PLA2R1: variants seen among roughly 807,000 people sequenced by gnomAD.
PLA2R1 encodes phospholipase A2 receptor 1.
PLA2R1 carries 158 observed loss-of-function variants against 195.9 expected under a neutral mutation model. The ratio of observed to expected loss-of-function variants is 0.81; its 90% CI spans 0.71 to 0.92. The LOEUF is 0.92. Among genes scored for constraint, PLA2R1 ranks in the 40% least tolerant of loss-of-function variants. The pLI is 0.00. For synonymous variants in PLA2R1, 586 were observed against 598.2 expected (o/e 0.98, Z 0.30); for missense variants, 1,626 against 1,764.6 (o/e 0.92, Z 1.41).
chr2:159,949,213 C>G (rs1687572688), intron 25 of PLA2R1, among the ~76,000 whole-genome samples: 1 of 152,086 alleles, frequency 6.6e-6, no homozygotes. Flanking sequence ...AGGCAAATCC[C>G]AACATCGGCT....
intron 11 of PLA2R1, among the ~76,000 whole-genome samples, chr2:159,998,999 T>G (rs1440294883): frequency 6.6e-6 from 1 of 152,142 alleles, no homozygotes; most frequent in African/African-American, 2.4e-5. Flanking sequence ...AGGCAGGGCC[T>G]TCTGGGAAGT....
intron 8 of PLA2R1, among the ~76,000 whole-genome samples, chr2:160,017,998 C>T (rs576791308): frequency 3.9e-5 from 6 of 152,262 alleles, no homozygotes; most frequent in Admixed American, 2.0e-4. Context: ...CCTAGGCTCT[C>T]ATATTCAAAT....
chr2:159,981,304 T>G (rs2715920), intron 13 of PLA2R1, among the ~76,000 whole-genome samples: 2 of 151,920 alleles, frequency 1.3e-5, no homozygotes, highest in Non-Finnish European at 2.9e-5. Flanking sequence ...AGCATACCTG[T>G]TATACCTGCT....
At chr2:159,945,883 G>A in intron 27 of PLA2R1, 1 of 891,988 alleles carries the variant, frequency 1.1e-6, no homozygotes. Context: ...GTTTCTTAAT[G>A]TGACAGTTTG....
intron 20 of PLA2R1, among the ~76,000 whole-genome samples, chr2:159,959,554 T>C (rs1297279202): frequency 6.6e-6 from 1 of 152,234 alleles, no homozygotes; most frequent in Non-Finnish European, 1.5e-5. Flanking sequence ...TCTCTGATTA[T>C]TACTGTGAAT....
In PLA2R1 at chr2:159,940,278, C is replaced by T. The variant is rs563076989; in HGVS notation, c.*1500G>A. The T allele has an allele frequency of 1.3e-5, 2 of 152,302 alleles. No homozygotes were observed. Among genetic ancestry groups the T allele is most frequent in the South Asian group, 4.1e-4 (2 of 4,824 alleles). 9.4% of individuals were successfully genotyped at this position (152,302 alleles called of 1,614,324 possible). The stretch of plus-strand genomic sequence containing the variant: ...CTTACTTCATTTTCATAACCACTTG[C>T]TATTTTATGCATATGCATTTCTTTA... On this transcript the variant is annotated 3_prime_UTR_variant, in exon 30 of 30. Coordinates refer to ENST00000283243, the MANE Select transcript of PLA2R1 (RefSeq NM_007366.5).
At chr2:160,039,927 G>A (rs548007142) in intron 3 of PLA2R1, among the ~76,000 whole-genome samples, 2 of 149,600 alleles carry the variant, frequency 1.3e-5, no homozygotes, top group East Asian at 3.9e-4. Context: ...TAAGGTTTCA[G>A]AACCTTAAGA....
intron 6 of PLA2R1, among the ~76,000 whole-genome samples, chr2:160,024,957 G>A (rs773906922): frequency 2.6e-5 from 4 of 152,136 alleles, no homozygotes; most frequent in Non-Finnish European, 4.4e-5. Flanking sequence ...AGATACTGCT[G>A]TGTCCCACCA....
chr2:159,979,780 G>A, intron 14 of PLA2R1, 50 bp downstream of exon 14: 1 of 1,091,606 alleles, frequency 9.2e-7, no homozygotes, highest in East Asian at 2.4e-5. Context: ...AGTGGTCCCA[G>A]GCCCACTTGT....
chr2:160,018,762 T>C (rs1490390856), intron 8 of PLA2R1, among the ~76,000 whole-genome samples: 1 of 152,228 alleles, frequency 6.6e-6, no homozygotes, highest in Non-Finnish European at 1.5e-5. Flanking sequence ...TGCCTTAGCA[T>C]GTATAATTGT....
rs896895848 is a variant in PLA2R1, at chr2:159,941,770, C to T, written c.*8G>A. The T allele has an allele frequency of 1.4e-6, 2 of 1,476,462 alleles. No homozygotes were observed. The highest frequency in any genetic ancestry group is 1.7e-5 in the Admixed American group (1 of 59,398). The allele number at this position is 1,476,462 out of a possible 1,614,324, so 91.5% of individuals were successfully genotyped here. A position where few individuals can be genotyped will look rare whatever the true frequency, so the allele number is the denominator to read the frequency against. On this transcript the variant is annotated 3_prime_UTR_variant, in exon 30 of 30. Coordinates refer to ENST00000283243, the MANE Select transcript of PLA2R1 (RefSeq NM_007366.5). The stretch of plus-strand genomic sequence containing the variant: ...CCCTGGTGTCTGTGGCATTCTCTGA[C>T]CTCATTATTATTGGTCACTCTTCTC...
rs745418468 is a variant in PLA2R1 at position 159,947,441 on chromosome 2, A to G, written c.3828T>C (p.Ala1276=). The part of the protein sequence containing the change: ...TVLDSMSFEA[A]HEFCKKEGSN... Reference sequence around the variant, plus strand: ...TACCTTCCTTTTTGCAAAATTCATGAGCAGCCTCAAAACTCATACTGTCTA... The same window carrying G: ...TACCTTCCTTTTTGCAAAATTCATGGGCAGCCTCAAAACTCATACTGTCTA... Residue 1276 remains alanine, a synonymous_variant, in exon 26 of 30, where the codon GCT becomes GCC. Coordinates refer to ENST00000283243, the MANE Select transcript of PLA2R1 (RefSeq NM_007366.5). 9 of 1,599,680 alleles carry G rather than the reference A, an allele frequency of 5.6e-6. No individual in the cohort carries two copies. In the African/African-American group the frequency reaches 8.1e-5, roughly 14 times the overall value.
At chr2:160,013,705 C>G (rs1169883029) in intron 9 of PLA2R1, among the ~76,000 whole-genome samples, 4,126 of 40,182 alleles carry the variant, frequency 0.1, 108 homozygotes, top group East Asian at 0.19. Flanking sequence ...CTCTCTCTGT[C>G]TCTCTCTCTC....
intron 1 of PLA2R1, among the ~76,000 whole-genome samples, chr2:160,058,984 G>A (rs532036892): frequency 2.0e-5 from 3 of 152,308 alleles, no homozygotes; most frequent in African/African-American, 7.2e-5. Flanking sequence ...CCCTGAGTCT[G>A]TTTTCCTGCA....
At chr2:160,040,358 A>G (rs1450227585) in intron 3 of PLA2R1, among the ~76,000 whole-genome samples, 1 of 151,952 alleles carries the variant, frequency 6.6e-6, no homozygotes, top group East Asian at 1.9e-4. Context: ...GGAATTCCCA[A>G]CCCCCACACT....
rs1687647486 is a variant in PLA2R1 at position 159,950,129 on chromosome 2, T to A, written c.3541-353A>T. On this transcript the variant is annotated intron_variant, in intron 24 of 29. Coordinates refer to ENST00000283243, the MANE Select transcript of PLA2R1 (RefSeq NM_007366.5). ...TGTTAAAGAAAACCTGGTTAAATTT[T>A]TTTATACTGTTGGTGTGGGGAAAAC... Among the ~76,000 whole-genome samples, 3 of 152,318 alleles carry A rather than the reference T, an allele frequency of 2.0e-5. No individual in the cohort carries two copies. The South Asian group carries it at 6.2e-4, about 32-fold the overall frequency.
In PLA2R1 at chr2:159,940,684, C is replaced by T. The variant is rs538661587; in HGVS notation, c.*1094G>A. The stretch of plus-strand genomic sequence containing the variant: ...AATAAAATCTGTAATTTTTTATTTA[C>T]AGACAGTATCATAATCATTATTTAC... On this transcript the variant is annotated 3_prime_UTR_variant, in exon 30 of 30. Transcript: ENST00000283243. The T allele has an allele frequency of 2.0e-5, 3 of 152,124 alleles. No individual in the cohort carries two copies. Among genetic ancestry groups the T allele is most frequent in the African/African-American group, 4.8e-5 (2 of 41,490 alleles). 9.4% of individuals were successfully genotyped at this position (152,124 alleles called of 1,614,324 possible).
rs748640224 is a variant in PLA2R1 at position 159,955,302 on chromosome 2, G to C, written c.3198C>G (p.Leu1066=). 19 of 1,603,800 alleles carry C rather than the reference G, an allele frequency of 1.2e-5. No individual in the cohort carries two copies. In the East Asian group the frequency reaches 4.0e-4, roughly 34 times the overall value. The change falls in exon 23 of 30, where the codon CTC becomes CTG. Residue 1066 remains leucine, a synonymous_variant. Coordinates refer to ENST00000283243, the MANE Select transcript of PLA2R1 (RefSeq NM_007366.5). ...TAGGATTACTTGAGAGTAAGGCACA[G>C]AGAGGAATGTGTTTCTGAACTTCAG... ...NTTEVQKHIP[L]CALLSSNPNF...
chr2:159,951,387 G>A lies in PLA2R1; in HGVS notation c.3493C>T (p.Leu1165Phe), dbSNP rs1403589580. ...CAGTGGGCATATCCTAGCCGGTTGA[G>A]GACAACAGTGAGGAAGGACTGGTGA... ...QYHQSFLTVV[L>F]NRLGYAHWIG... The change falls in exon 24 of 30, where the codon CTC (leucine) becomes TTC (phenylalanine). Residue 1165 changes from leucine to phenylalanine, a missense_variant. Leu to Phe is a conservative substitution (Grantham distance 22). Coordinates refer to ENST00000283243, the MANE Select transcript of PLA2R1 (RefSeq NM_007366.5). The A allele has an allele frequency of 6.2e-7, 1 of 1,613,628 alleles. No individual in the cohort carries two copies. Among genetic ancestry groups the A allele is most frequent in the Non-Finnish European group, 8.5e-7 (1 of 1,179,558 alleles).
Sources: allele counts gnomAD v4.1 joint callset (sites outside exome capture counted in the v4.1 genomes callset), GRCh38; gene constraint gnomAD v4.1.1; transcripts MANE v1.5; gene names NCBI Gene and HGNC (gene_info 2026-07-23, HGNC 2026-07-21).